Variants in ZDHHC11 observed in about 807,000 individuals in gnomAD.
ZDHHC11 encodes zDHHC palmitoyltransferase 11.
Under a neutral mutation model 51.3 loss-of-function variants are expected in ZDHHC11, and 44 were observed. The ratio of observed to expected loss-of-function variants is 0.86; its 90% CI spans 0.67 to 1.10. ZDHHC11 has a LOEUF of 1.10. Among genes scored for constraint, ZDHHC11 ranks in the 50% least tolerant of loss-of-function variants. ZDHHC11 has a pLI of 0.00. For missense variants in ZDHHC11, 400 were observed against 537.7 expected, an observed-to-expected ratio of 0.74 and a Z score of 2.53; for synonymous variants, 163 against 222.0, an observed-to-expected ratio of 0.73 and a Z score of 2.36.
rs748277919 is a variant in ZDHHC11, at chr5:840,792, G to A, written c.629-142C>T. On this transcript the variant is annotated intron_variant, in intron 4 of 12. Transcript: ENST00000283441. ...GGGATGTCTCCCTGCCCAGGTGGAC[G>A]CCTCCCTTACCTGAGTGCCCCGTAG... 197 of 1,528,090 alleles carry A rather than the reference G, an allele frequency of 1.3e-4. 1 individual carries two copies. The highest frequency in any genetic ancestry group is 8.0e-4 in the Middle Eastern group (4 of 5,006). The allele number at this position is 1,528,090 out of a possible 1,614,324, so 94.7% of individuals were successfully genotyped here. A position where few individuals can be genotyped will look rare whatever the true frequency, so the allele number is the denominator to read the frequency against.
At position 848,630 on chromosome 5, in the gene ZDHHC11, C is replaced by T. The variant is rs145905333; in HGVS notation, c.253G>A (p.Val85Ile). 18,317 of 1,523,844 alleles carry T rather than the reference C, an allele frequency of 0.012. 37 individuals are homozygous for T. The highest frequency in any genetic ancestry group is 0.033 in the Middle Eastern group (178 of 5,406). The allele number at this position is 1,523,844 out of a possible 1,614,324, so 94.4% of individuals were successfully genotyped here. Residue 85 changes from valine (V) to isoleucine (I), a missense_variant, in exon 2 of 13, where the codon GTC becomes ATC. By Grantham distance (29) the Val-to-Ile change is conservative. Transcript: ENST00000283441. ...VTGGIFSFHL[V>I]VHLIASCIDP... ...ATGCAGGACGCGATCAGGTGGACGA[C>T]GAGGTGGAACGAGAAGATCCCCCCG...
At chr5:805,893 G>C (rs1739176751) in intron 11 of ZDHHC11, among the ~76,000 whole-genome samples, 1 of 151,156 alleles carries the variant, frequency 6.6e-6, no homozygotes, top group Non-Finnish European at 1.5e-5. Context: ...GAGGAGCGAG[G>C]ATGGGGGTGG....
intron 6 of ZDHHC11, among the ~76,000 whole-genome samples, chr5:835,113 T>C (rs1743646772): frequency 6.6e-6 from 1 of 151,488 alleles, no homozygotes; most frequent in African/African-American, 2.4e-5. Context: ...ATCACAGAGA[T>C]TTCATTCTAT....
rs752404862 is a variant in ZDHHC11, at chr5:825,183, T to A, written c.1004A>T (p.Asp335Val). ...ACTTACCCGTGCCGTCGAATCCCCA[T>A]CCTGGTTTACTGAAGTGCAGAAGTG... ...LCHFCTSVNQ[D>V]GDSTAREGDE... The change falls in exon 8 of 13, where the codon GAT becomes GTT. Residue 335 changes from aspartate to valine, a missense_variant. Transcript: ENST00000283441. The A allele has an allele frequency of 4.3e-6, 7 of 1,612,678 alleles. No homozygotes were observed. The highest frequency in any genetic ancestry group is 5.9e-6 in the Non-Finnish European group (7 of 1,179,052).
intron 12 of ZDHHC11, among the ~76,000 whole-genome samples, chr5:799,356 C>T (rs1243917560): frequency 6.6e-6 from 1 of 151,222 alleles, no homozygotes; most frequent in African/African-American, 2.4e-5. Context: ...TCACCACATG[C>T]AGAGCTCAAT....
Position 815,473 on chromosome 5 carries a change from G to A in ZDHHC11, c.1147-678C>T, listed in dbSNP as rs1345846701. Among the ~76,000 whole-genome samples the A allele has an allele frequency of 7.9e-5, 12 of 151,718 alleles. 1 individual carries two copies. Among genetic ancestry groups the A allele is most frequent in the East Asian group, 1.9e-4 (1 of 5,188 alleles). On this transcript the variant is annotated intron_variant, in intron 10 of 12. Transcript: ENST00000283441. ...CATCTGAAGCTTTGCCAAACTGCTC[G>A]CCAATGTGGCATCATCTTTCATCCC...
intron 7 of ZDHHC11, among the ~76,000 whole-genome samples, chr5:828,304 A>T (rs1213856222): frequency 2.0e-5 from 3 of 151,222 alleles, no homozygotes; most frequent in East Asian, 1.9e-4. Context: ...CACTTCCCAG[A>T]AGGGGCGGCC....
At chr5:834,261 T>C (rs1743477965) in intron 6 of ZDHHC11, among the ~76,000 whole-genome samples, 1 of 152,306 alleles carries the variant, frequency 6.6e-6, no homozygotes. Context: ...TTTTTTTCCA[T>C]GTGCTTATGT....
intron 12 of ZDHHC11, among the ~76,000 whole-genome samples, chr5:798,756 C>A (rs1195914653): frequency 1.4e-5 from 2 of 146,376 alleles, no homozygotes; most frequent in African/African-American, 4.9e-5. Flanking sequence ...GTTATCACAG[C>A]GAACATTTGC....
At chr5:854,731 A>G (rs1371566657), upstream of ZDHHC11, among the ~76,000 whole-genome samples, 3 of 130,976 alleles carry the variant, frequency 2.3e-5, no homozygotes, top group African/African-American at 5.9e-5. Context: ...GACAGTGAGC[A>G]GCCGGGACAG....
At position 850,788 on chromosome 5, in the gene ZDHHC11, A is replaced by G. The variant is rs1002866774; in HGVS notation, c.-186T>C. On this transcript the variant is annotated 5_prime_UTR_variant, in exon 1 of 13. Coordinates refer to ENST00000283441, the MANE Select transcript of ZDHHC11 (RefSeq NM_024786.3). ...GCAGGGGCTGGGCTGGAGTCGGTGC[A>G]GGGCCCCGCCCAGGGGAATGAACAG... 8.4e-6 allele frequency: 6 copies of G among 711,292 alleles called. No individual in the cohort carries two copies. Among genetic ancestry groups the G allele is most frequent in the African/African-American group, 7.2e-5 (4 of 55,844 alleles). The allele number at this position is 711,292 out of a possible 1,614,324, so 44.1% of individuals were successfully genotyped here.
At chr5:796,759 G>T (rs1205709184) in intron 12 of ZDHHC11, among the ~76,000 whole-genome samples, 179 bp from the exon 13 acceptor site, 1 of 152,130 alleles carries the variant, frequency 6.6e-6, no homozygotes, top group Non-Finnish European at 1.5e-5. Flanking sequence ...GCTGGGTCTA[G>T]TGAGAGTCCT....
At chr5:853,329 C>T (rs1217529512), upstream of ZDHHC11, among the ~76,000 whole-genome samples, 3 of 140,980 alleles carry the variant, frequency 2.1e-5, no homozygotes, top group Non-Finnish European at 3.0e-5. Flanking sequence ...CGGGCACAGA[C>T]CCCGCAGAGG....
chr5:857,738 C>T (rs72708946), intron 1 of ZDHHC11, among the ~76,000 whole-genome samples: 5,144 of 148,248 alleles, frequency 0.035, 123 homozygotes, highest in Non-Finnish European at 0.05. Flanking sequence ...TCTCGGTCCC[C>T]GTCCTGTCTT....
At chr5:849,896 C>G (rs1170674440) in intron 1 of ZDHHC11, 1 of 160,648 alleles carries the variant, frequency 6.2e-6, no homozygotes, top group Non-Finnish European at 1.4e-5. Flanking sequence ...GGCCCCTGGA[C>G]CGCCTTCTAG....
intron 1 of ZDHHC11, among the ~76,000 whole-genome samples, chr5:856,212 AGACCACACT>A (rs1045324929): frequency 7.9e-5 from 12 of 151,544 alleles, no homozygotes; most frequent in African/African-American, 2.9e-4. Flanking sequence ...CACACAACAC[AGACCACACT>A]GACCACACAC....
chr5:851,376 C>A (rs973915311), upstream of ZDHHC11, among the ~76,000 whole-genome samples: 1 of 140,790 alleles, frequency 7.1e-6, no homozygotes, highest in Non-Finnish European at 1.5e-5. Context: ...TGTCACAGAG[C>A]GGCAGTGAAA....
rs1184795764 is a variant in ZDHHC11 at position 806,804 on chromosome 5, A to T, written c.1182-5640T>A. ...ATTAATAATGAGGGAAATACTGAAG[A>T]AGGCCACAATAAGCCACCAGTTCAC... On this transcript the variant is annotated intron_variant, in intron 11 of 12. Coordinates refer to ENST00000283441, the MANE Select transcript of ZDHHC11 (RefSeq NM_024786.3). Among the ~76,000 whole-genome samples the T allele has an allele frequency of 1.7e-4, 26 of 150,910 alleles. 3 individuals carry two copies. The highest frequency in any genetic ancestry group is 2.5e-4 in the Non-Finnish European group (17 of 67,526).
Position 848,561 on chromosome 5 carries a change from G to A in ZDHHC11, c.322C>T (p.Gln108Ter), listed in dbSNP as rs1746616205. 3 of 1,572,928 alleles carry A rather than the reference G, an allele frequency of 1.9e-6. No individual in the cohort carries two copies. The highest frequency in any genetic ancestry group is 4.6e-5 in the East Asian group (2 of 43,530). Residue 108 changes from glutamine (Q) to a stop codon, truncating the protein, a stop_gained, in exon 2 of 13, where the codon CAG (glutamine) becomes TAG (stop). Transcript: ENST00000283441. LOFTEE classifies it high-confidence loss of function. Reference protein sequence around the residue: ...SNVRLMKNYSQPMPLFDRSKH... With the variant: ...SNVRLMKNYS ...GATCTGTCGAAGAGGGGCATGGGCT[G>A]AGAATAGTTCTTCATGAGTCTGACA...
Sources: gnomAD v4.1 joint callset for allele counts (sites outside exome capture counted in the v4.1 genomes callset) on GRCh38, gnomAD v4.1.1 for gene constraint, MANE v1.5 for transcripts, NCBI Gene and HGNC (gene_info 2026-07-23, HGNC 2026-07-21) for gene names.